The following COL24A1 variants were observed in gnomAD, a reference collection of about 807,000 sequenced individuals.
COL24A1 encodes collagen alpha-1(XXIV) chain.
Under a neutral mutation model 253.9 loss-of-function variants are expected in COL24A1, and 224 were observed. That is an observed-to-expected ratio of 0.88 (90% CI 0.79 to 0.99). The LOEUF (loss-of-function observed/expected upper bound fraction) is 0.99, where lower values mean the gene tolerates loss of function less well. COL24A1 is among the 50% of genes least tolerant of loss of function. The pLI is 0.00. For synonymous variants in COL24A1, 685 were observed against 673.7 expected (o/e 1.02, Z -0.26); for missense variants, 2,131 against 2,068.5 (o/e 1.03, Z -0.59).
intron 19 of COL24A1, among the ~76,000 whole-genome samples, chr1:86,007,213 AAAACAAAC>A (rs138113987): frequency 1.3e-5 from 2 of 151,396 alleles, no homozygotes; most frequent in Admixed American, 6.6e-5. Flanking sequence ...AAACTGTCTC[AAAACAAAC>A]AAACAAACAA....
At chr1:85,812,044 A>G (rs942746562) in intron 47 of COL24A1, among the ~76,000 whole-genome samples, 1 of 152,194 alleles carries the variant, frequency 6.6e-6, no homozygotes, top group Non-Finnish European at 1.5e-5. Context: ...GAATACAGCT[A>G]TGAGCTTGCT....
In COL24A1 at chr1:86,142,726, G is replaced by A. The variant is rs181647327; in HGVS notation, c.121+3393C>T. Among the ~76,000 whole-genome samples the A allele has an allele frequency of 3.3e-5, 5 of 152,136 alleles. No individual in the cohort carries two copies. In the East Asian group the frequency reaches 9.6e-4, roughly 29 times the overall value. On this transcript the variant is annotated intron_variant, in intron 2 of 59. Transcript: ENST00000370571. ...TAATATTTAAAAGATATTGAAGAAA[G>A]AGGAAATAAATATATCAGGAAGAAA...
chr1:85,953,849 C>T (rs1236422762), intron 24 of COL24A1, among the ~76,000 whole-genome samples: 1 of 152,030 alleles, frequency 6.6e-6, no homozygotes, highest in Non-Finnish European at 1.5e-5. Context: ...GGAGTAAATC[C>T]TTAAAAATCA....
At chr1:86,111,426 A>C (rs1705586382) in intron 5 of COL24A1, among the ~76,000 whole-genome samples, 1 of 151,466 alleles carries the variant, frequency 6.6e-6, no homozygotes, top group East Asian at 2.0e-4. Flanking sequence ...AAATGGACCA[A>C]TCAGCACTCA....
intron 56 of COL24A1, 73 bp from the exon 57 acceptor site, chr1:85,744,907 A>G (rs1021672849): frequency 8.7e-6 from 10 of 1,146,228 alleles, no homozygotes; most frequent in Non-Finnish European, 1.3e-5. Context: ...CAGGAGAAGA[A>G]TGTGTTTCCA....
intron 24 of COL24A1, among the ~76,000 whole-genome samples, chr1:85,950,676 T>C (rs1361549545): frequency 6.6e-6 from 1 of 152,196 alleles, no homozygotes; most frequent in Non-Finnish European, 1.5e-5. Context: ...CATGATTTAG[T>C]TTTTGCTTCA....
At position 85,868,531 on chromosome 1, in the gene COL24A1, T is replaced by G. The variant is rs777964584; in HGVS notation, c.3288A>C (p.Gln1096His). The change falls in exon 37 of 60, where the codon CAA becomes CAC. Residue 1096 changes from glutamine (Q) to histidine (H), a missense_variant. By Grantham distance (24) the Gln-to-His change is conservative. Transcript: ENST00000370571. The part of the protein sequence containing the change: ...GIIGPLGRSG[Q>H]TGLPGPEGIV... ...CAGCAGTACTTACCGGAAGGCCTGT[T>G]TGGCCTGATCTACCCAAGGGTCCTA... 3 of 1,613,192 alleles carry G rather than the reference T, an allele frequency of 1.9e-6. No individual in the cohort carries two copies. Among genetic ancestry groups the G allele is most frequent in the Non-Finnish European group, 8.5e-7 (1 of 1,179,352 alleles).
At chr1:86,083,824 C>T (rs1220667584) in intron 7 of COL24A1, among the ~76,000 whole-genome samples, 1 of 152,172 alleles carries the variant, frequency 6.6e-6, no homozygotes, top group African/African-American at 2.4e-5. Context: ...GTGCTTGTTA[C>T]ATGCCAGACA....
intron 24 of COL24A1, among the ~76,000 whole-genome samples, chr1:85,914,451 C>T (rs375771265): frequency 2.0e-5 from 3 of 150,128 alleles, no homozygotes; most frequent in African/African-American, 7.4e-5. Context: ...AGTGCAATGG[C>T]GCGATCCTGG....
rs1180964576 is a variant in COL24A1 at position 85,911,387 on chromosome 1, C to T, written c.2609G>A (p.Gly870Asp). 6.2e-7 allele frequency: 1 copy of T among 1,611,282 alleles called. No homozygotes were observed. The highest frequency in any genetic ancestry group is 8.5e-7 in the Non-Finnish European group (1 of 1,178,754). ...PGEVGMTGSI[G>D]EKGERGSPGP... ...TAATTCTTAAAAAATTACCTTTTCG[C>T]CAATGCTTCCAGTCATCCCAACTTC... is the stretch of plus-strand genomic sequence containing the variant. The change falls in exon 25 of 60, where the codon GGC becomes GAC. Residue 870 changes from glycine to aspartate, a missense_variant. Transcript: ENST00000370571.
At chr1:86,023,381 TCTTA>T (rs1449203813) in intron 14 of COL24A1, among the ~76,000 whole-genome samples, 1 of 152,186 alleles carries the variant, frequency 6.6e-6, no homozygotes, top group Non-Finnish European at 1.5e-5. Flanking sequence ...CATTTGATTG[TCTTA>T]GAGTTTTATT....
chr1:86,147,982 G>A (rs1322560847), intron 1 of COL24A1, among the ~76,000 whole-genome samples: 1 of 152,138 alleles, frequency 6.6e-6, no homozygotes, highest in Non-Finnish European at 1.5e-5. Flanking sequence ...TTCTAACTAA[G>A]TATGTCTGGG....
At chr1:86,029,343 T>G (rs1301865572) in intron 14 of COL24A1, among the ~76,000 whole-genome samples, 1 of 152,214 alleles carries the variant, frequency 6.6e-6, no homozygotes, top group African/African-American at 2.4e-5. Context: ...TGGGTTGGTC[T>G]GAGAATGGAA....
chr1:86,135,328 T>C (rs1318676318), intron 2 of COL24A1, among the ~76,000 whole-genome samples: 1 of 152,148 alleles, frequency 6.6e-6, no homozygotes, highest in East Asian at 1.9e-4. Context: ...GTCTTTTAAT[T>C]GGAGCATTTA....
rs566673939 is a variant in COL24A1, at chr1:86,001,678, G to A, written c.2311-14024C>T. Among the ~76,000 whole-genome samples, 3 of 152,178 alleles carry A rather than the reference G, an allele frequency of 2.0e-5. No individual in the cohort carries two copies. In the East Asian group the frequency reaches 5.8e-4, roughly 29 times the overall value. On this transcript the variant is annotated intron_variant, in intron 19 of 59. Transcript: ENST00000370571. ...CATGAAAACAGGCTTTGATGGGAAG[G>A]GCAAATTATAGGGGAAAAAAAAGAG...
At position 85,868,619 on chromosome 1, in the gene COL24A1, G is replaced by C. The variant is rs74097605; in HGVS notation, c.3200C>G (p.Pro1067Arg). The C allele has an allele frequency of 3.8e-3, 6,101 of 1,612,784 alleles. 189 individuals are homozygous for C. The African/African-American group carries it at 0.072, about 19-fold the overall frequency. The change falls in exon 37 of 60, where the codon CCA becomes CGA. Residue 1067 changes from proline to arginine, a missense_variant. Pro to Arg is a moderately radical substitution (Grantham distance 103). Transcript: ENST00000370571. ...LQGKDGLKGV[P>R]GGRGLPGEDG... ...CTCTCCAGGAAGTCCCCTTCCTCCT[G>C]GTACTCCCTGTAATGCAATAAAAAA... is the stretch of plus-strand genomic sequence containing the variant.
At chr1:86,147,365 T>C (rs1253147201) in intron 1 of COL24A1, among the ~76,000 whole-genome samples, 1 of 152,250 alleles carries the variant, frequency 6.6e-6, no homozygotes, top group Non-Finnish European at 1.5e-5. Context: ...ATTTTAAAAT[T>C]GAACATTCTA....
At chr1:85,889,718 G>A (rs899095077) in intron 31 of COL24A1, 105 bp from the exon 32 acceptor site, 4 of 872,704 alleles carry the variant, frequency 4.6e-6, no homozygotes, top group Middle Eastern at 2.3e-4. Flanking sequence ...CAACTTTTCT[G>A]TCTATTGCTA....
chr1:85,884,518 A>G (rs1278623405), intron 32 of COL24A1, among the ~76,000 whole-genome samples: 1 of 152,146 alleles, frequency 6.6e-6, no homozygotes, highest in Non-Finnish European at 1.5e-5. Context: ...TTTGATTGTA[A>G]GGTATGAGTG....
Sources: gnomAD v4.1 joint callset for allele counts (sites outside exome capture counted in the v4.1 genomes callset) on GRCh38, gnomAD v4.1.1 for gene constraint, MANE v1.5 for transcripts, NCBI Gene and HGNC (gene_info 2026-07-23, HGNC 2026-07-21) for gene names.